The following DLGAP2 variants were observed in gnomAD, a reference collection of about 807,000 sequenced individuals.
The protein encoded by DLGAP2 is DLG associated protein 2.
DLGAP2 carries 26 observed loss-of-function variants against 100.3 expected under a neutral mutation model. That is an observed-to-expected ratio of 0.26 (90% CI 0.19 to 0.36). The LOEUF (loss-of-function observed/expected upper bound fraction) is 0.36. DLGAP2 is among the 10% of genes least tolerant of loss of function. The pLI is 1.00. For missense variants in DLGAP2, 1,858 were observed against 1,453.2 expected (o/e 1.28, Z -4.53); for synonymous variants, 886 against 630.1 (o/e 1.41, Z -6.08).
At chr8:1,135,804 C>G (rs1017256343) in intron 2 of DLGAP2, among the ~76,000 whole-genome samples, 2 of 152,128 alleles carry the variant, frequency 1.3e-5, no homozygotes, top group Admixed American at 1.3e-4. Context: ...TAGAAAAACA[C>G]GAAGGAGATG....
intron 2 of DLGAP2, among the ~76,000 whole-genome samples, chr8:1,080,018 C>T (rs1436700234): frequency 6.6e-6 from 1 of 152,144 alleles, no homozygotes. Context: ...GTGGAGGCTT[C>T]TGAAAGAGGA....
chr8:1,708,420 C>A lies in DLGAP2; in HGVS notation c.*7014C>A, dbSNP rs941000765. The A allele has an allele frequency of 3.3e-5, 5 of 152,130 alleles. No homozygotes were observed. Among genetic ancestry groups the A allele is most frequent in the African/African-American group, 1.2e-4 (5 of 41,394 alleles). The allele number at this position is 152,130 out of a possible 1,614,324, so 9.4% of individuals were successfully genotyped here. A position where few individuals can be genotyped will look rare whatever the true frequency, so the allele number is the denominator to read the frequency against. On this transcript the variant is annotated 3_prime_UTR_variant, in exon 15 of 15. Transcript: ENST00000637795. Reference sequence around the variant, plus strand: ...TAAGGTTACAGATTTAATATGTATGCAAAATGGTATAGATTAAATGAGTTT... The same window carrying A: ...TAAGGTTACAGATTTAATATGTATGAAAAATGGTATAGATTAAATGAGTTT...
intron 1 of DLGAP2, among the ~76,000 whole-genome samples, chr8:811,296 C>G (rs929413964): frequency 6.6e-6 from 1 of 152,274 alleles, no homozygotes; most frequent in Non-Finnish European, 1.5e-5. Context: ...CAGGAACTAT[C>G]TGGGGGCCCT....
chr8:1,341,315 C>A (rs1801411387), intron 3 of DLGAP2, among the ~76,000 whole-genome samples: 1 of 152,124 alleles, frequency 6.6e-6, no homozygotes, highest in Non-Finnish European at 1.5e-5. Flanking sequence ...TTTCATATCC[C>A]CCAGCATTTT....
chr8:762,519 C>T (rs1011393389), intron 1 of DLGAP2, among the ~76,000 whole-genome samples: 6 of 152,094 alleles, frequency 3.9e-5, no homozygotes, highest in African/African-American at 1.4e-4. Flanking sequence ...TAAGAGAAAC[C>T]ATTCCGAGTC....
At chr8:1,103,204 C>G (rs1447241265) in intron 2 of DLGAP2, among the ~76,000 whole-genome samples, 1 of 152,162 alleles carries the variant, frequency 6.6e-6, no homozygotes, top group Non-Finnish European at 1.5e-5. Flanking sequence ...GTGTGTGTAT[C>G]ACATGCTGGC....
intron 1 of DLGAP2, among the ~76,000 whole-genome samples, chr8:798,600 G>T (rs1796084846): frequency 8.5e-6 from 1 of 118,340 alleles, no homozygotes; most frequent in Non-Finnish European, 1.7e-5. Context: ...CGCTTGTTGA[G>T]TCAGGACCTG....
chr8:1,296,810 C>T lies in DLGAP2; in HGVS notation c.106+37927C>T, dbSNP rs539431944. On this transcript the variant is annotated intron_variant, in intron 3 of 14. Transcript: ENST00000637795. The stretch of plus-strand genomic sequence containing the variant: ...GCAGATGGTGTGGTGGGTGCACAGC[C>T]GCACCGGAGCGGCCCCCGAACCACA... Among the ~76,000 whole-genome samples the T allele has an allele frequency of 1.4e-4, 21 of 152,224 alleles. No homozygotes were observed. In the East Asian group the frequency reaches 2.9e-3, roughly 21 times the overall value.
chr8:1,462,733 C>G (rs1400142274), intron 3 of DLGAP2, among the ~76,000 whole-genome samples: 1 of 152,158 alleles, frequency 6.6e-6, no homozygotes, highest in Non-Finnish European at 1.5e-5. Context: ...CATCTCAGGC[C>G]CAGGGAGCCA....
At chr8:1,088,201 C>T (rs773085588) in intron 2 of DLGAP2, among the ~76,000 whole-genome samples, 12 of 152,348 alleles carry the variant, frequency 7.9e-5, no homozygotes, top group Non-Finnish European at 1.0e-4. Context: ...AATTTCTGCA[C>T]TAGTCCTGGT....
intron 2 of DLGAP2, among the ~76,000 whole-genome samples, chr8:1,111,997 G>T (rs929090807): frequency 6.6e-6 from 1 of 152,080 alleles, no homozygotes; most frequent in Non-Finnish European, 1.5e-5. Context: ...GCTTTCCACA[G>T]GGGTTGAACT....
chr8:1,177,877 C>A (rs1246510290), intron 2 of DLGAP2, among the ~76,000 whole-genome samples: 2 of 152,196 alleles, frequency 1.3e-5, no homozygotes, highest in Non-Finnish European at 2.9e-5. Context: ...ACTGTGGGGG[C>A]TCCCTTTCAG....
chr8:1,170,354 T>G lies in DLGAP2; in HGVS notation c.74-88497T>G, dbSNP rs1178508428. Among the ~76,000 whole-genome samples the G allele has an allele frequency of 4.6e-5, 7 of 152,194 alleles. No homozygotes were observed. The East Asian group carries it at 1.4e-3, about 29-fold the overall frequency. On this transcript the variant is annotated intron_variant, in intron 2 of 14. Coordinates refer to ENST00000637795, the MANE Select transcript of DLGAP2 (RefSeq NM_001346810.2). ...TTGGTCTAAAATTCTCTTTTTTGGT[T>G]GTGTCTCTGCCAGGCTTTGGTATCA...
chr8:1,237,493 A>G (rs1798688230), intron 2 of DLGAP2, among the ~76,000 whole-genome samples: 1 of 135,910 alleles, frequency 7.4e-6, no homozygotes, highest in Non-Finnish European at 1.6e-5. Flanking sequence ...TCTCTCTCAC[A>G]CATAGCGTCA....
intron 2 of DLGAP2, among the ~76,000 whole-genome samples, chr8:1,256,318 C>T (rs1429956912): frequency 8.3e-6 from 1 of 120,154 alleles, no homozygotes; most frequent in Non-Finnish European, 1.7e-5. Context: ...TGTGTCCTCT[C>T]ATCCTGTCTG....
At chr8:1,250,234 A>C (rs1233669075) in intron 2 of DLGAP2, 1 of 152,162 alleles carries the variant, frequency 6.6e-6, no homozygotes, top group Non-Finnish European at 1.5e-5. Context: ...AAACACCCCA[A>C]AGTCAGATAT....
At chr8:1,551,225 A>T (rs1278694978) in intron 5 of DLGAP2, among the ~76,000 whole-genome samples, 2 of 152,238 alleles carry the variant, frequency 1.3e-5, no homozygotes, top group African/African-American at 4.8e-5. Flanking sequence ...GCAAACCCTA[A>T]TCATATCCAA....
At chr8:1,024,707 C>A (rs1010131841) in intron 2 of DLGAP2, among the ~76,000 whole-genome samples, 1 of 152,198 alleles carries the variant, frequency 6.6e-6, no homozygotes, top group Non-Finnish European at 1.5e-5. Context: ...TCGTGAAGAA[C>A]TCACAGGCGC....
chr8:964,899 C>T (rs570298182), intron 2 of DLGAP2, among the ~76,000 whole-genome samples: 9 of 152,312 alleles, frequency 5.9e-5, no homozygotes, highest in South Asian at 4.1e-4. Context: ...ACTGCCTTCC[C>T]GCTCGCTGAG....
Sources: allele counts gnomAD v4.1 joint callset (sites outside exome capture counted in the v4.1 genomes callset), GRCh38; gene constraint gnomAD v4.1.1; transcripts MANE v1.5; gene names NCBI Gene and HGNC (gene_info 2026-07-23, HGNC 2026-07-21).